The following ATP8B4 variants were observed in gnomAD, a reference collection of about 807,000 sequenced individuals.
ATP8B4 encodes the protein probable phospholipid-transporting ATPase IM.
Under a neutral mutation model 145.6 loss-of-function variants are expected in ATP8B4, and 133 were observed. The ratio of observed to expected loss-of-function variants is 0.91; its 90% CI spans 0.79 to 1.05. The LOEUF (loss-of-function observed/expected upper bound fraction) is 1.05, where lower values mean the gene tolerates loss of function less well. Ranked by LOEUF, ATP8B4 falls within the 50% of genes least tolerant of loss-of-function variation. The probability of loss-of-function intolerance (pLI) is 0.00; values close to 1 mark genes in which losing one functional copy is unlikely to be tolerated. For synonymous variants in ATP8B4, 507 were observed against 492.9 expected (o/e 1.03, Z -0.38); for missense variants, 1,458 against 1,425.2 (o/e 1.02, Z -0.37).
intron 1 of ATP8B4, among the ~76,000 whole-genome samples, chr15:50,107,541 A>AT (rs2056746008): frequency 6.6e-6 from 1 of 152,090 alleles, no homozygotes; most frequent in Non-Finnish European, 1.5e-5. Context: ...ATTATATTTC[A>AT]TTTTTTCCCT....
chr15:49,970,588 G>A (rs1174341263), intron 13 of ATP8B4, among the ~76,000 whole-genome samples: 1 of 152,110 alleles, frequency 6.6e-6, no homozygotes, highest in Non-Finnish European at 1.5e-5. Context: ...CCTTTTCAAG[G>A]AGAGCTACAA....
rs553415817 is a variant in ATP8B4 at position 50,049,636 on chromosome 15, G to A, written c.88-2172C>T. Among the ~76,000 whole-genome samples the A allele has an allele frequency of 3.6e-4, 55 of 152,232 alleles. No individual in the cohort carries two copies. In the South Asian group the frequency reaches 0.011, roughly 31 times the overall value. ...TACAAGTGCATGTGTCTTTATGGTA[G>A]AACGATTTATTTTCCATTGGGTGTA... On this transcript the variant is annotated intron_variant, in intron 3 of 27. Transcript: ENST00000284509.
intron 9 of ATP8B4, among the ~76,000 whole-genome samples, chr15:49,992,780 G>T (rs908084622): frequency 6.6e-6 from 1 of 152,110 alleles, no homozygotes; most frequent in Non-Finnish European, 1.5e-5. Context: ...ACCCAGATTT[G>T]CCCAGAAGTC....
rs1230906980 is a variant in ATP8B4, at chr15:50,002,305, AC to A, written c.436-83del. ...TTCTACAGTATATCACCTCTTGACT[AC>A]TAAAGAGGCAACAGAGCCTCAGAAA... On this transcript the variant is annotated intron_variant, in intron 7 of 27. Transcript: ENST00000284509. The A allele has an allele frequency of 9.0e-6, 10 of 1,110,604 alleles. No homozygotes were observed. In the East Asian group the frequency reaches 1.3e-4, roughly 15 times the overall value. The allele number at this position is 1,110,604 out of a possible 1,614,324, so 68.8% of individuals were successfully genotyped here. A position where few individuals can be genotyped will look rare whatever the true frequency, so the allele number is the denominator to read the frequency against.
chr15:50,057,981 G>T (rs966698159), intron 3 of ATP8B4, among the ~76,000 whole-genome samples: 3 of 151,292 alleles, frequency 2.0e-5, no homozygotes, highest in African/African-American at 7.3e-5. Context: ...ATCTAAAAAG[G>T]GACTGAAAAT....
intron 13 of ATP8B4, among the ~76,000 whole-genome samples, chr15:49,965,367 T>C (rs983697673): frequency 2.6e-5 from 4 of 152,228 alleles, no homozygotes; most frequent in Non-Finnish European, 5.9e-5. Context: ...CCCCTTTTTC[T>C]TGGATTTCCT....
intron 1 of ATP8B4, among the ~76,000 whole-genome samples, chr15:50,171,416 T>A (rs1185406833): frequency 6.6e-6 from 1 of 152,112 alleles, no homozygotes; most frequent in Non-Finnish European, 1.5e-5. Context: ...TTCAAAACCA[T>A]GCAAATACAT....
At chr15:50,084,448 C>A (rs1352771661) in intron 2 of ATP8B4, among the ~76,000 whole-genome samples, 1 of 152,144 alleles carries the variant, frequency 6.6e-6, no homozygotes, top group Non-Finnish European at 1.5e-5. Flanking sequence ...TCCAAGCCAC[C>A]ATCCTCGAGG....
At chr15:49,879,921 G>T (rs1014291138) in intron 23 of ATP8B4, 1 of 152,460 alleles carries the variant, frequency 6.6e-6, no homozygotes, top group East Asian at 1.9e-4. Flanking sequence ...AAATGGAGAG[G>T]TTTTTGCGGG....
chr15:50,133,126 GT>G (rs1327306071), intron 1 of ATP8B4, among the ~76,000 whole-genome samples: 2 of 152,178 alleles, frequency 1.3e-5, no homozygotes, highest in Middle Eastern at 3.4e-3. Context: ...AAAACTTGAA[GT>G]TTTGTACATA....
intron 3 of ATP8B4, among the ~76,000 whole-genome samples, chr15:50,060,185 G>A (rs540048652): frequency 2.5e-4 from 38 of 152,284 alleles, no homozygotes; most frequent in African/African-American, 7.2e-4. Context: ...AGGAAGGAGG[G>A]CAGGCAGACA....
intron 13 of ATP8B4, among the ~76,000 whole-genome samples, chr15:49,965,930 C>T (rs56786930): frequency 1.3e-5 from 2 of 152,120 alleles, no homozygotes; most frequent in African/African-American, 4.8e-5. Flanking sequence ...TGGCTAATCT[C>T]ATTGGGACTG....
rs145314628 is a variant in ATP8B4 at position 49,876,334 on chromosome 15, A to G, written c.2971T>C (p.Tyr991His). Residue 991 changes from tyrosine to histidine, a missense_variant, in exon 25 of 28, where the codon TAC becomes CAC. By Grantham distance (83) the Tyr-to-His change is moderately conservative (BLOSUM62 2). Transcript: ENST00000284509. ...GCCATGGTAACTGCAAAGGACTGGTAGTCAGCAATATGTTGCCCATCTTCT... is the reference window on the plus strand; with the variant it reads ...GCCATGGTAACTGCAAAGGACTGGTGGTCAGCAATATGTTGCCCATCTTCT... ...AGEDGQHIAD[Y>H]QSFAVTMATS... The G allele has an allele frequency of 1.4e-4, 227 of 1,614,116 alleles. No homozygotes were observed. In the African/African-American group the frequency reaches 2.8e-3, roughly 20 times the overall value.
At chr15:49,998,071 G>C (rs1047654242) in intron 8 of ATP8B4, among the ~76,000 whole-genome samples, 2 of 152,112 alleles carry the variant, frequency 1.3e-5, no homozygotes, top group Admixed American at 6.6e-5. Context: ...GATAGCCCTA[G>C]TTCTTTAGCC....
intron 20 of ATP8B4, among the ~76,000 whole-genome samples, chr15:49,902,449 T>A (rs183859189): frequency 6.2e-4 from 94 of 152,320 alleles, no homozygotes; most frequent in Non-Finnish European, 1.1e-3. Flanking sequence ...ATAAAAATGA[T>A]ACAAAAAGAT....
intron 1 of ATP8B4, among the ~76,000 whole-genome samples, chr15:50,177,757 A>G (rs2044784860): frequency 6.6e-6 from 1 of 152,196 alleles, no homozygotes; most frequent in Admixed American, 6.5e-5. Context: ...AACTTCTTAG[A>G]GATGTGAATT....
rs11856831 is a variant in ATP8B4, at chr15:49,881,390, G to A, written c.2698-1931C>T. Among the ~76,000 whole-genome samples the A allele has an allele frequency of 8.1e-3, 1,230 of 152,112 alleles. 5 individuals are homozygous for A. Among genetic ancestry groups the A allele is most frequent in the South Asian group, 0.014 (66 of 4,812 alleles). ...AACTTAAATTGTAAATTTATATAAC[G>A]TTTAATAATGGCTGTATTTAACCAC... On this transcript the variant is annotated intron_variant, in intron 23 of 27. Transcript: ENST00000284509.
chr15:50,061,230 A>T (rs577215348), intron 3 of ATP8B4, among the ~76,000 whole-genome samples: 2 of 152,220 alleles, frequency 1.3e-5, no homozygotes, highest in South Asian at 4.1e-4. Context: ...TTTTCCCTCC[A>T]CTTTCAATTT....
intron 1 of ATP8B4, among the ~76,000 whole-genome samples, chr15:50,160,244 CTTCTTT>C (rs2044496692): frequency 6.6e-6 from 1 of 151,274 alleles, no homozygotes; most frequent in African/African-American, 2.4e-5. Flanking sequence ...GTTGAAATGT[CTTCTTT>C]TTCATCTCTG....
Sources: allele counts gnomAD v4.1 joint callset (sites outside exome capture counted in the v4.1 genomes callset), GRCh38; gene constraint gnomAD v4.1.1; transcripts MANE v1.5; gene names NCBI Gene and HGNC (gene_info 2026-07-23, HGNC 2026-07-21).